Variants in THSD7B observed in about 807,000 individuals in gnomAD.
THSD7B encodes the protein thrombospondin type 1 domain containing 7B, also known as thrombospondin type-1 domain-containing protein 7B.
THSD7B carries 138 observed loss-of-function variants against 213.6 expected under a neutral mutation model. That is an observed-to-expected ratio of 0.65 (90% confidence interval 0.56 to 0.74). The LOEUF is 0.74. Among genes scored for constraint, THSD7B ranks in the 30% least tolerant of loss-of-function variants. The pLI, the probability that THSD7B is intolerant of heterozygous loss-of-function variation, is 0.00. For synonymous variants in THSD7B, 742 were observed against 687.0 expected, an observed-to-expected ratio of 1.08 and a Z score of -1.25; for missense variants, 1,931 against 1,991.5, an observed-to-expected ratio of 0.97 and a Z score of 0.58.
chr2:137,528,672 C>T (rs887619587), intron 15 of THSD7B, among the ~76,000 whole-genome samples: 1 of 151,946 alleles, frequency 6.6e-6, no homozygotes, highest in Non-Finnish European at 1.5e-5. Context: ...TCAATAATTC[C>T]CTTAGATTTC....
At chr2:137,269,644 CA>C (rs2104802860) in intron 10 of THSD7B, among the ~76,000 whole-genome samples, 1 of 152,264 alleles carries the variant, frequency 6.6e-6, no homozygotes, top group African/African-American at 2.4e-5. Context: ...AGAGATAATA[CA>C]GTATAATTGA....
intron 3 of THSD7B, among the ~76,000 whole-genome samples, chr2:137,094,087 A>G (rs1251737702): frequency 1.3e-5 from 2 of 152,192 alleles, no homozygotes; most frequent in African/African-American, 4.8e-5. Context: ...GTTTATATTT[A>G]CCTTTTTGAT....
At chr2:137,563,126 T>C in intron 15 of THSD7B, 95 bp from the exon 16 acceptor site, 1 of 1,365,522 alleles carries the variant, frequency 7.3e-7, no homozygotes. Flanking sequence ...GTGCAGTTTC[T>C]TGGGTTATGT....
chr2:136,917,488 G>A (rs796095110), intron 2 of THSD7B, among the ~76,000 whole-genome samples: 11 of 152,252 alleles, frequency 7.2e-5, no homozygotes, highest in African/African-American at 2.4e-4. Context: ...CTGGGGGTGG[G>A]GTGGAACTTT....
intron 12 of THSD7B, among the ~76,000 whole-genome samples, chr2:137,376,672 G>A (rs1444468416): frequency 5.3e-5 from 8 of 152,122 alleles, no homozygotes; most frequent in Non-Finnish European, 1.0e-4. Context: ...GGTTTAAGGA[G>A]CATAAAGCTT....
chr2:137,240,053 C>T (rs983861070), intron 9 of THSD7B, among the ~76,000 whole-genome samples: 1 of 152,180 alleles, frequency 6.6e-6, no homozygotes, highest in Admixed American at 6.5e-5. Flanking sequence ...GCTCCACCAT[C>T]CGATGTTTTC....
At chr2:137,583,176 T>A (rs1003266297) in intron 17 of THSD7B, among the ~76,000 whole-genome samples, 160 of 152,330 alleles carry the variant, frequency 1.1e-3, no homozygotes, top group African/African-American at 3.6e-3. Context: ...TTGCCCACTT[T>A]TTGATGGGCT....
At chr2:136,819,255 G>A (rs926312877) in intron 1 of THSD7B, among the ~76,000 whole-genome samples, 1 of 152,154 alleles carries the variant, frequency 6.6e-6, no homozygotes, top group Non-Finnish European at 1.5e-5. Context: ...GTATAATTAT[G>A]TAACTGCAGT....
chr2:137,595,409 T>C (rs1475804776), intron 17 of THSD7B, among the ~76,000 whole-genome samples: 2 of 152,038 alleles, frequency 1.3e-5, no homozygotes, highest in African/African-American at 2.4e-5. Context: ...ATCATATTTA[T>C]AGCACGTGGC....
chr2:136,900,120 C>T (rs938398420), intron 2 of THSD7B, among the ~76,000 whole-genome samples: 68 of 152,234 alleles, frequency 4.5e-4, no homozygotes, highest in African/African-American at 1.5e-3. Context: ...AAAGAGAATC[C>T]GATCTGAACA....
chr2:137,236,283 A>G (rs1414147334), intron 9 of THSD7B, among the ~76,000 whole-genome samples: 1 of 152,188 alleles, frequency 6.6e-6, no homozygotes, highest in Non-Finnish European at 1.5e-5. Flanking sequence ...TTATATCTCT[A>G]AACCCACTGC....
intron 12 of THSD7B, among the ~76,000 whole-genome samples, chr2:137,394,975 G>C (rs1018722791): frequency 1.4e-5 from 2 of 146,946 alleles, no homozygotes; most frequent in African/African-American, 2.6e-5. Context: ...TCTGTTATTG[G>C]TGTATAAGAA....
At chr2:136,804,389 A>G (rs1202109636) in intron 1 of THSD7B, among the ~76,000 whole-genome samples, 1 of 135,366 alleles carries the variant, frequency 7.4e-6, no homozygotes, top group Non-Finnish European at 1.6e-5. Flanking sequence ...TGGAACTCAC[A>G]TACACACACA....
chr2:136,849,084 A>T (rs1683055331), intron 1 of THSD7B, among the ~76,000 whole-genome samples: 2 of 152,176 alleles, frequency 1.3e-5, no homozygotes, highest in Admixed American at 1.3e-4. Context: ...GCAATCTGAT[A>T]TCTTACATTG....
intron 7 of THSD7B, among the ~76,000 whole-genome samples, chr2:137,222,835 G>A (rs1362477453): frequency 6.6e-6 from 1 of 152,146 alleles, no homozygotes; most frequent in Non-Finnish European, 1.5e-5. Context: ...TAGAGTGTTA[G>A]CATAAGCCTG....
intron 15 of THSD7B, among the ~76,000 whole-genome samples, chr2:137,539,227 G>A (rs1326409367): frequency 3.3e-5 from 5 of 151,604 alleles, no homozygotes; most frequent in Non-Finnish European, 7.4e-5. Flanking sequence ...ATGCCTTAGG[G>A]GCCAAGTGCT....
At chr2:137,010,321 A>G (rs1177805270) in intron 2 of THSD7B, among the ~76,000 whole-genome samples, 2 of 152,188 alleles carry the variant, frequency 1.3e-5, no homozygotes, top group East Asian at 3.9e-4. Flanking sequence ...CTTCATATCT[A>G]AGCAGTCTGT....
At chr2:137,628,736 C>T (rs895568662) in intron 20 of THSD7B, among the ~76,000 whole-genome samples, 2 of 152,182 alleles carry the variant, frequency 1.3e-5, no homozygotes, top group Non-Finnish European at 2.9e-5. Context: ...GAATAAAGTC[C>T]TGTATTGTGA....
intron 9 of THSD7B, among the ~76,000 whole-genome samples, chr2:137,236,236 A>G (rs1389794556): frequency 6.6e-6 from 1 of 152,174 alleles, no homozygotes; most frequent in Non-Finnish European, 1.5e-5. Flanking sequence ...ACAGAGAAGG[A>G]CGCATGTCTC....
Sources: gnomAD v4.1 joint callset for allele counts (sites outside exome capture counted in the v4.1 genomes callset) on GRCh38, gnomAD v4.1.1 for gene constraint, MANE v1.5 for transcripts, NCBI Gene and HGNC (gene_info 2026-07-23, HGNC 2026-07-21) for gene names.